Variants in STPG1 observed in about 807,000 individuals in gnomAD.
STPG1 encodes sperm tail PG-rich repeat containing 1, also known as O(6)-methylguanine-induced apoptosis 2.
In STPG1, 33 loss-of-function variants were observed where a neutral mutation model predicts 40.1. The observed-to-expected ratio is 0.82, with a 90% CI of 0.62 to 1.10. The LOEUF (loss-of-function observed/expected upper bound fraction) is 1.10. STPG1 is among the 50% of genes least tolerant of loss of function. The pLI is 0.00. For synonymous variants in STPG1, 150 were observed against 155.0 expected (o/e 0.97, Z 0.24); for missense variants, 396 against 415.1 (o/e 0.95, Z 0.40).
intron 2 of STPG1, among the ~76,000 whole-genome samples, chr1:24,392,774 C>G (rs1642834076): frequency 6.6e-6 from 1 of 152,048 alleles, no homozygotes; most frequent in African/African-American, 2.4e-5. Context: ...CATCCTGACT[C>G]TGTAGGCTGT....
At chr1:24,390,842 C>CA (rs1642739629) in intron 3 of STPG1, among the ~76,000 whole-genome samples, 1 of 151,056 alleles carries the variant, frequency 6.6e-6, no homozygotes, top group African/African-American at 2.4e-5. Flanking sequence ...CTCTGTCACC[C>CA]AGGCTAGGGT....
At chr1:24,374,244 G>GTTTTGT (rs1641900205) in intron 5 of STPG1, among the ~76,000 whole-genome samples, 1 of 93,288 alleles carries the variant, frequency 1.1e-5, no homozygotes, top group Admixed American at 1.2e-4. Context: ...CTAGGAAAGT[G>GTTTTGT]TTTTTTTTTT....
chr1:24,369,406 C>G, intron 7 of STPG1: 2 of 591,044 alleles, frequency 3.4e-6, no homozygotes, highest in Middle Eastern at 5.3e-4. Flanking sequence ...TTGCTTCCTC[C>G]TCTATGGGGT....
chr1:24,362,382 G>A lies in STPG1; in HGVS notation c.738-1341C>T, dbSNP rs186716956. 5.9e-5 allele frequency among the ~76,000 whole-genome samples: 9 copies of A among 152,314 alleles called. No individual in the cohort carries two copies. The East Asian group carries it at 7.7e-4, about 13-fold the overall frequency. On this transcript the variant is annotated intron_variant, in intron 7 of 8. Transcript: ENST00000337248. ...AGCAATATGGAGAAAGCATGATGGCGGAGGGGACTGAGTTTAAGGGTCACA... is the reference window on the plus strand; with the variant it reads ...AGCAATATGGAGAAAGCATGATGGCAGAGGGGACTGAGTTTAAGGGTCACA...
At chr1:24,375,219 T>G (rs780778327) in intron 5 of STPG1, among the ~76,000 whole-genome samples, 4 of 152,202 alleles carry the variant, frequency 2.6e-5, no homozygotes, top group Admixed American at 6.5e-5. Flanking sequence ...ATTCTTCTGT[T>G]ACACGTGAAT....
chr1:24,364,790 A>T (rs1641348333), intron 7 of STPG1, among the ~76,000 whole-genome samples: 1 of 152,174 alleles, frequency 6.6e-6, no homozygotes, highest in Non-Finnish European at 1.5e-5. Flanking sequence ...TCAGTTATAA[A>T]AGCCAACCTG....
chr1:24,405,499 G>GT (rs1245859430), intron 1 of STPG1, among the ~76,000 whole-genome samples: 10 of 152,100 alleles, frequency 6.6e-5, no homozygotes, highest in African/African-American at 1.7e-4. Context: ...TTTTCCTTTT[G>GT]TTGTTGAATG....
At chr1:24,391,507 C>G (rs933215118) in intron 3 of STPG1, 54 bp downstream of exon 3, 3 of 1,175,758 alleles carry the variant, frequency 2.6e-6, no homozygotes, top group East Asian at 5.2e-5. Flanking sequence ...GTGCCTGTCC[C>G]GCAAGGCTAA....
intron 2 of STPG1, among the ~76,000 whole-genome samples, chr1:24,396,779 A>T (rs547163787): frequency 7.9e-5 from 12 of 152,218 alleles, no homozygotes; most frequent in Non-Finnish European, 1.8e-4. Flanking sequence ...AGGTAAATAA[A>T]GAACAGATGG....
rs1363397099 is a variant in STPG1 at position 24,358,182 on chromosome 1, C to G, written c.*361G>C. On this transcript the variant is annotated 3_prime_UTR_variant, in exon 9 of 9. Transcript: ENST00000337248. Reference sequence around the variant, plus strand: ...CAGGCTTGGCCACCTTCAGGGTGGACTGATCCTCCTTGAAGTCTGCGCTTC... The same window carrying G: ...CAGGCTTGGCCACCTTCAGGGTGGAGTGATCCTCCTTGAAGTCTGCGCTTC... 1 of 514,038 alleles carries G rather than the reference C, an allele frequency of 1.9e-6. No individual in the cohort carries two copies. The highest frequency in any genetic ancestry group is 3.8e-6 in the Non-Finnish European group (1 of 265,312). 31.8% of individuals were successfully genotyped at this position (514,038 alleles called of 1,614,324 possible).
Position 24,385,447 on chromosome 1 carries a change from C to A in STPG1, c.190-1444G>T, listed in dbSNP as rs183918557. Among the ~76,000 whole-genome samples the A allele has an allele frequency of 2.1e-3, 315 of 152,276 alleles. 2 individuals are homozygous for A. The highest frequency in any genetic ancestry group is 7.1e-3 in the African/African-American group (296 of 41,562). ...ACCCCAGGCCGAGAGCCCAGGAGAA[C>A]CCTCGTGTTGTGGATGCAGATGCGA... On this transcript the variant is annotated intron_variant, in intron 3 of 8. Coordinates refer to ENST00000337248, the MANE Select transcript of STPG1 (RefSeq NM_001199013.2).
rs1179021324 is a variant in STPG1, at chr1:24,391,612, T to A, written c.138A>T (p.Glu46Asp). Residue 46 changes from glutamate to aspartate, a missense_variant, in exon 3 of 9, where the codon GAA becomes GAT. Glu to Asp is a conservative substitution (Grantham distance 45). Transcript: ENST00000337248. ...PFKSQASVIP[E>D]SEKKGFNSQA... The stretch of plus-strand genomic sequence containing the variant: ...GACTATTGAATCCTTTTTTTTCTGA[T>A]TCTGGGATTACTGAAGCTTGAGATT... The A allele has an allele frequency of 5.8e-6, 9 of 1,549,770 alleles. No individual in the cohort carries two copies. The East Asian group carries it at 2.2e-4, about 38-fold the overall frequency.
intron 8 of STPG1, 61 bp downstream of exon 8, chr1:24,360,790 A>C: frequency 6.8e-7 from 1 of 1,472,716 alleles, no homozygotes; most frequent in Non-Finnish European, 9.2e-7. Flanking sequence ...TTGATGACCC[A>C]AGAATGACAA....
rs190547294 is a variant in STPG1, at chr1:24,412,955, T to C, written c.-69+719A>G. 3.6e-4 allele frequency among the ~76,000 whole-genome samples: 55 copies of C among 152,370 alleles called. No homozygotes were observed. The East Asian group carries it at 6.6e-3, about 18-fold the overall frequency. On this transcript the variant is annotated intron_variant, in intron 1 of 8. Coordinates refer to ENST00000337248, the MANE Select transcript of STPG1 (RefSeq NM_001199013.2). ...ATGCTAAGTATTACAGTTTACATTA[T>C]ACATGTTACTGTACAGGGTATATAA...
intron 5 of STPG1, among the ~76,000 whole-genome samples, chr1:24,375,847 A>ACACAC (rs1641998518): frequency 6.6e-6 from 1 of 152,214 alleles, no homozygotes; most frequent in African/African-American, 2.4e-5. Context: ...GTGTCGCTGG[A>ACACAC]AGATTTCCCC....
At chr1:24,409,785 C>T (rs995305836) in intron 1 of STPG1, among the ~76,000 whole-genome samples, 1 of 152,180 alleles carries the variant, frequency 6.6e-6, no homozygotes, top group Non-Finnish European at 1.5e-5. Flanking sequence ...GTCAGATCCA[C>T]CATCACGTTG....
chr1:24,400,464 T>A (rs1643179359), intron 2 of STPG1, among the ~76,000 whole-genome samples: 1 of 152,358 alleles, frequency 6.6e-6, no homozygotes, highest in Non-Finnish European at 1.5e-5. Flanking sequence ...TTGTGAATAT[T>A]CATTAAGCTA....
chr1:24,379,608 C>T (rs41311987), intron 5 of STPG1, 45 bp downstream of exon 5: 1 of 1,591,272 alleles, frequency 6.3e-7, no homozygotes, highest in Non-Finnish European at 8.6e-7. Flanking sequence ...TTTTAGTAAA[C>T]CATTAATTCG....
In STPG1 at chr1:24,391,606, T is replaced by G. The variant is rs566198611; in HGVS notation, c.144A>C (p.Glu48Asp). The change falls in exon 3 of 9, where the codon GAA becomes GAC. Residue 48 changes from glutamate to aspartate, a missense_variant. Glu to Asp is a conservative substitution (Grantham distance 45, BLOSUM62 2). Coordinates refer to ENST00000337248, the MANE Select transcript of STPG1 (RefSeq NM_001199013.2). ...KSQASVIPES[E>D]KKGFNSQAKR... ...TGGCTTGACTATTGAATCCTTTTTT[T>G]TCTGATTCTGGGATTACTGAAGCTT... is the stretch of plus-strand genomic sequence containing the variant. The G allele has an allele frequency of 1.2e-5, 18 of 1,549,458 alleles. No individual in the cohort carries two copies. The South Asian group carries it at 2.1e-4, about 18-fold the overall frequency.
Sources: gnomAD v4.1 joint callset for allele counts (sites outside exome capture counted in the v4.1 genomes callset) on GRCh38, gnomAD v4.1.1 for gene constraint, MANE v1.5 for transcripts, NCBI Gene and HGNC (gene_info 2026-07-23, HGNC 2026-07-21) for gene names.